Variants in WDR47 observed in about 807,000 individuals in gnomAD.
WDR47 encodes the protein WD repeat-containing protein 47.
In WDR47, 32 loss-of-function variants were observed where a neutral mutation model predicts 97.2. The ratio of observed to expected loss-of-function variants is 0.33; its 90% CI spans 0.25 to 0.44. The LOEUF (loss-of-function observed/expected upper bound fraction) is 0.44. Ranked by LOEUF, WDR47 falls within the 20% of genes least tolerant of loss-of-function variation. The pLI, the probability that WDR47 is intolerant of heterozygous loss-of-function variation, is 1.00. For synonymous variants in WDR47, 375 were observed against 373.5 expected (o/e 1.00, Z -0.05); for missense variants, 782 against 1,102.3 (o/e 0.71, Z 4.11).
chr1:109,003,897 T>C (rs1271017321), intron 6 of WDR47, among the ~76,000 whole-genome samples: 1 of 152,214 alleles, frequency 6.6e-6, no homozygotes, highest in East Asian at 1.9e-4. Flanking sequence ...ATAAAAGTTT[T>C]ATTCTATATT....
intron 14 of WDR47, 123 bp from the exon 15 acceptor site, chr1:108,971,695 T>C: frequency 1.8e-6 from 2 of 1,093,016 alleles, no homozygotes; most frequent in South Asian, 1.7e-5. Context: ...ATATAATACA[T>C]TGAAAGGTTT....
At chr1:108,979,852 C>T (rs1420773115) in intron 13 of WDR47, among the ~76,000 whole-genome samples, 2 of 152,124 alleles carry the variant, frequency 1.3e-5, no homozygotes, top group Admixed American at 6.5e-5. Context: ...ATTTCTTAAA[C>T]CAGGGGTCCC....
intron 1 of WDR47, among the ~76,000 whole-genome samples, chr1:109,027,660 A>C (rs1662305515): frequency 6.6e-6 from 1 of 152,008 alleles, no homozygotes; most frequent in Non-Finnish European, 1.5e-5. Flanking sequence ...AGTAGCTGGG[A>C]TCACAGGTGC....
chr1:108,981,636 C>A, intron 13 of WDR47, 97 bp downstream of exon 13: 1 of 1,219,860 alleles, frequency 8.2e-7, no homozygotes, highest in South Asian at 1.7e-5. Context: ...ATTTATTTCA[C>A]AATTTTTTCT....
At chr1:108,972,317 T>C (rs1263839750) in intron 14 of WDR47, among the ~76,000 whole-genome samples, 1 of 152,046 alleles carries the variant, frequency 6.6e-6, no homozygotes, top group Non-Finnish European at 1.5e-5. Context: ...GCCACCATCA[T>C]CTCACCTGAA....
chr1:108,989,892 C>A (rs527511322), intron 9 of WDR47, among the ~76,000 whole-genome samples: 2 of 152,070 alleles, frequency 1.3e-5, no homozygotes, highest in Non-Finnish European at 2.9e-5. Flanking sequence ...GATTGGGTTT[C>A]GCCATGTTGG....
chr1:109,026,683 T>C lies in WDR47; in HGVS notation c.-9-3162A>G, dbSNP rs560584095. Among the ~76,000 whole-genome samples, 7 of 152,244 alleles carry C rather than the reference T, an allele frequency of 4.6e-5. No individual in the cohort carries two copies. In the South Asian group the frequency reaches 1.0e-3, roughly 23 times the overall value. On this transcript the variant is annotated intron_variant, in intron 1 of 14. Transcript: ENST00000369962. ...CCAACCACACAAACTTAATGCACAA[T>C]TGGGACTATAATTTTCTAATATAGC...
intron 1 of WDR47, among the ~76,000 whole-genome samples, chr1:109,026,519 C>G (rs564795377): frequency 6.6e-6 from 1 of 152,094 alleles, no homozygotes; most frequent in East Asian, 1.9e-4. Context: ...AGCAGGCTAC[C>G]CAATAGGCAG....
Position 108,971,252 on chromosome 1 carries a change from G to C in WDR47, c.*178C>G. 1.2e-6 allele frequency: 1 copy of C among 806,508 alleles called. No individual in the cohort carries two copies. Among genetic ancestry groups the C allele is most frequent in the Non-Finnish European group, 1.9e-6 (1 of 531,986 alleles). 50.0% of individuals were successfully genotyped at this position (806,508 alleles called of 1,614,324 possible). ...GCAGCACGAGCTCACATGGAAGACT[G>C]AAAGCACTGCGGAATAACACCACCC... is the stretch of plus-strand genomic sequence containing the variant. On this transcript the variant is annotated 3_prime_UTR_variant, in exon 15 of 15. Coordinates refer to ENST00000369962, the MANE Select transcript of WDR47 (RefSeq NM_001142551.2).
At position 108,981,833 on chromosome 1, in the gene WDR47, G is replaced by T; in HGVS notation, c.2298C>A (p.Gly766=). ...GHILALYTWS[G]WMIASGSQDK... Reference sequence around the variant, plus strand: ...CTTGGGAACCAGATGCAATCATCCAGCCACTCCAGGTATAAAGTGCTAAAA... The same window carrying T: ...CTTGGGAACCAGATGCAATCATCCATCCACTCCAGGTATAAAGTGCTAAAA... The change falls in exon 13 of 15, where the codon GGC becomes GGA. Residue 766 remains glycine (G), a synonymous_variant. Transcript: ENST00000369962. The T allele has an allele frequency of 6.2e-7, 1 of 1,613,738 alleles. No individual in the cohort carries two copies. Among genetic ancestry groups the T allele is most frequent in the Non-Finnish European group, 8.5e-7 (1 of 1,179,824 alleles).
At chr1:109,004,465 T>A (rs1260352351) in intron 6 of WDR47, 127 bp downstream of exon 6, 4 of 1,153,288 alleles carry the variant, frequency 3.5e-6, no homozygotes, top group Non-Finnish European at 4.6e-6. Flanking sequence ...AAGCTAATAA[T>A]AAGAAAATCT....
chr1:109,017,750 ATTT>A (rs33990918), intron 2 of WDR47, 149 bp from the exon 3 acceptor site: 487 of 433,774 alleles, frequency 1.1e-3, no homozygotes, highest in East Asian at 1.6e-3. Context: ...ATTTTTCATA[ATTT>A]TTTTTTTTTT....
chr1:109,013,892 T>C lies in WDR47; in HGVS notation c.276A>G (p.Leu92=). ...FRYIILKQKF[L]EALCVNNAMS... ...TCGCGTTGTTAACACATAAAGCTTC[T>C]AAAAACTTCTGCTTCAGGATAATAT... is the stretch of plus-strand genomic sequence containing the variant. The change falls in exon 4 of 15, where the codon TTA becomes TTG. Residue 92 remains leucine (L), a synonymous_variant. Coordinates refer to ENST00000369962, the MANE Select transcript of WDR47 (RefSeq NM_001142551.2). 1 of 1,612,926 alleles carries C rather than the reference T, an allele frequency of 6.2e-7. No homozygotes were observed. The highest frequency in any genetic ancestry group is 1.1e-5 in the South Asian group (1 of 90,842).
intron 1 of WDR47, among the ~76,000 whole-genome samples, chr1:109,040,515 C>CA (rs201756033): frequency 0.11 from 14,269 of 125,428 alleles, 677 homozygotes; most frequent in Middle Eastern, 0.13. Flanking sequence ...AAATCCCGTC[C>CA]AAAAAAAAAA....
At chr1:109,013,585 G>C (rs970187484) in intron 4 of WDR47, among the ~76,000 whole-genome samples, 15 of 152,028 alleles carry the variant, frequency 9.9e-5, no homozygotes, top group Non-Finnish European at 2.2e-4. Flanking sequence ...TTTATCTATT[G>C]CTGACTTACC....
intron 9 of WDR47, among the ~76,000 whole-genome samples, chr1:108,990,142 G>A (rs1659205086): frequency 6.6e-6 from 1 of 152,052 alleles, no homozygotes; most frequent in Non-Finnish European, 1.5e-5. Context: ...TGGGAGGATT[G>A]CTTGAGCCCA....
intron 4 of WDR47, 103 bp downstream of exon 4, chr1:109,013,738 A>G: frequency 7.9e-7 from 1 of 1,264,300 alleles, no homozygotes; most frequent in Non-Finnish European, 1.1e-6. Context: ...CCAGCTCATA[A>G]AAACTCTGAA....
intron 3 of WDR47, among the ~76,000 whole-genome samples, chr1:109,016,802 A>G (rs1178432906): frequency 2.0e-5 from 3 of 149,416 alleles, no homozygotes; most frequent in Non-Finnish European, 4.4e-5. Context: ...AAAAAAAAAC[A>G]AAAAGTGACT....
chr1:108,980,299 A>C (rs1034462721), intron 13 of WDR47, among the ~76,000 whole-genome samples: 4 of 152,192 alleles, frequency 2.6e-5, no homozygotes, highest in African/African-American at 9.7e-5. Context: ...TCTGGTTTGA[A>C]TCAAAGTGCA....
Sources: gnomAD v4.1 joint callset for allele counts (sites outside exome capture counted in the v4.1 genomes callset) on GRCh38, gnomAD v4.1.1 for gene constraint, MANE v1.5 for transcripts, NCBI Gene and HGNC (gene_info 2026-07-23, HGNC 2026-07-21) for gene names.